USP24: variants seen among roughly 807,000 people sequenced by gnomAD.
The protein encoded by USP24 is ubiquitin specific peptidase 24.
In USP24, 97 loss-of-function variants were observed where a neutral mutation model predicts 361.6. That is an observed-to-expected ratio of 0.27 (90% CI 0.23 to 0.32). The LOEUF (loss-of-function observed/expected upper bound fraction) is 0.32, where lower values mean the gene tolerates loss of function less well. Among genes scored for constraint, USP24 ranks in the 10% least tolerant of loss-of-function variants. The pLI is 1.00. For missense variants in USP24, 2,353 were observed against 3,165.6 expected, an observed-to-expected ratio of 0.74 and a Z score of 6.16; for synonymous variants, 1,098 against 1,124.6, an observed-to-expected ratio of 0.98 and a Z score of 0.47.
At chr1:55,204,473 C>T (rs896357300) in intron 1 of USP24, among the ~76,000 whole-genome samples, 3 of 152,024 alleles carry the variant, frequency 2.0e-5, no homozygotes, top group African/African-American at 7.2e-5. Context: ...TAAAGAAATA[C>T]TGCTTGAAAA....
intron 1 of USP24, among the ~76,000 whole-genome samples, chr1:55,194,849 T>A (rs1480758158): frequency 6.6e-6 from 1 of 152,250 alleles, no homozygotes; most frequent in Middle Eastern, 3.4e-3. Flanking sequence ...TTCTACCTTA[T>A]AAATTTCTTC....
intron 42 of USP24, among the ~76,000 whole-genome samples, chr1:55,102,850 C>G (rs1405666848): frequency 6.6e-6 from 1 of 152,146 alleles, no homozygotes; most frequent in East Asian, 1.9e-4. Context: ...CATAACATAA[C>G]CTATAAACTA....
chr1:55,095,359 A>G lies in USP24; in HGVS notation c.6099T>C (p.Asn2033=). 1.2e-6 allele frequency: 2 copies of G among 1,613,404 alleles called. No individual in the cohort carries two copies. The highest frequency in any genetic ancestry group is 1.7e-6 in the Non-Finnish European group (2 of 1,179,616). ...CCCTTTGGTAGAAAAGCATATAGGC[A>G]TTCCAGTATCTTCGGCGCACATCAG... is the stretch of plus-strand genomic sequence containing the variant. ...PYTDVRRRYW[N]AYMLFYQRVS... Residue 2033 remains asparagine, a synonymous_variant, in exon 51 of 68, where the codon AAT becomes AAC. Coordinates refer to ENST00000294383, the MANE Select transcript of USP24 (RefSeq NM_015306.3).
At chr1:55,129,234 T>C (rs1454588030) in intron 32 of USP24, among the ~76,000 whole-genome samples, 1 of 152,166 alleles carries the variant, frequency 6.6e-6, no homozygotes, top group Non-Finnish European at 1.5e-5. Flanking sequence ...TCTACTCTTC[T>C]TGAAAATTTC....
chr1:55,107,455 T>C, intron 39 of USP24, 25 bp from the exon 40 acceptor site: 3 of 1,535,204 alleles, frequency 2.0e-6, no homozygotes, highest in Admixed American at 2.3e-5. Context: ...AAAAATCCAT[T>C]ACAAAGAAAG....
At chr1:55,166,525 A>C in intron 6 of USP24, 43 bp downstream of exon 6, 1 of 1,540,360 alleles carries the variant, frequency 6.5e-7, no homozygotes, top group East Asian at 2.4e-5. Flanking sequence ...TCATTAGAAA[A>C]TTGAAAATAT....
At chr1:55,139,554 G>A (rs1646830458) in intron 24 of USP24, among the ~76,000 whole-genome samples, 1 of 152,132 alleles carries the variant, frequency 6.6e-6, no homozygotes, top group Non-Finnish European at 1.5e-5. Context: ...TAATCAGACT[G>A]CAATATTCAT....
chr1:55,093,433 A>T (rs1645425251), intron 52 of USP24: 1 of 156,198 alleles, frequency 6.4e-6, no homozygotes, highest in African/African-American at 2.4e-5. Flanking sequence ...TCTTTTCTGA[A>T]CCTGTTTTTC....
chr1:55,109,919 C>T (rs1645901082), intron 39 of USP24, among the ~76,000 whole-genome samples: 1 of 152,098 alleles, frequency 6.6e-6, no homozygotes, highest in East Asian at 1.9e-4. Flanking sequence ...ACAATAGTTT[C>T]GTATCAGTGT....
intron 10 of USP24, among the ~76,000 whole-genome samples, 197 bp downstream of exon 10, chr1:55,158,681 G>A (rs528757946): frequency 2.6e-5 from 4 of 152,274 alleles, no homozygotes; most frequent in African/African-American, 9.6e-5. Flanking sequence ...AAATATTTCA[G>A]ATGTAAATTT....
At chr1:55,175,996 A>T (rs1024816704) in intron 3 of USP24, among the ~76,000 whole-genome samples, 1 of 152,216 alleles carries the variant, frequency 6.6e-6, no homozygotes, top group African/African-American at 2.4e-5. Context: ...TATTTTGATA[A>T]GTGTATACTG....
intron 1 of USP24, among the ~76,000 whole-genome samples, chr1:55,187,907 G>A (rs1115059): frequency 0.027 from 4,060 of 152,100 alleles, 130 homozygotes; most frequent in African/African-American, 0.073. Context: ...TAGTTTCTTT[G>A]CAAAAAACGA....
intron 21 of USP24, among the ~76,000 whole-genome samples, chr1:55,143,793 G>T (rs964520374): frequency 4.6e-5 from 7 of 152,054 alleles, no homozygotes; most frequent in Admixed American, 6.6e-5. Flanking sequence ...TGAATTGCTG[G>T]ATCTGAGGAG....
At chr1:55,091,391 T>G (rs1006486415) in intron 54 of USP24, among the ~76,000 whole-genome samples, 3 of 152,096 alleles carry the variant, frequency 2.0e-5, no homozygotes, top group Non-Finnish European at 4.4e-5. Flanking sequence ...CAACCCTCCC[T>G]TTTGTGGAAA....
In USP24 at chr1:55,141,620, A is replaced by C. The variant is rs2100689382; in HGVS notation, c.2746T>G (p.Tyr916Asp). The C allele has an allele frequency of 6.2e-7, 1 of 1,610,318 alleles. No individual in the cohort carries two copies. Among genetic ancestry groups the C allele is most frequent in the East Asian group, 2.2e-5 (1 of 44,788 alleles). Residue 916 changes from tyrosine (Y) to aspartate (D), a missense_variant, in exon 24 of 68, where the codon TAT (tyrosine) becomes GAT (aspartate). Tyr to Asp is a radical substitution (Grantham distance 160, BLOSUM62 -3). Coordinates refer to ENST00000294383, the MANE Select transcript of USP24 (RefSeq NM_015306.3). ...PTVATSVQSP[Y>D]RSTKLVIIER... ...TTTTCACTTCTGATCACTTACCTAT[A>C]AGGAGACTGAACTGAGGTTGCTACA... is the stretch of plus-strand genomic sequence containing the variant.
chr1:55,094,796 C>T (rs937207650), intron 51 of USP24, among the ~76,000 whole-genome samples: 2 of 151,046 alleles, frequency 1.3e-5, no homozygotes, highest in African/African-American at 4.9e-5. Flanking sequence ...CCCAGGAGTT[C>T]CAGACCAGCC....
intron 1 of USP24, among the ~76,000 whole-genome samples, chr1:55,213,530 A>C (rs1425148199): frequency 6.6e-6 from 1 of 152,230 alleles, no homozygotes; most frequent in African/African-American, 2.4e-5. Context: ...TAGCTTCACT[A>C]AGCTTAATTC....
At chr1:55,137,070 C>G (rs1354175131) in intron 28 of USP24, among the ~76,000 whole-genome samples, 1 of 151,970 alleles carries the variant, frequency 6.6e-6, no homozygotes, top group African/African-American at 2.4e-5. Flanking sequence ...AAAAACCAAC[C>G]AAATAAAAAA....
chr1:55,169,295 A>T (rs1385300472), intron 5 of USP24, among the ~76,000 whole-genome samples: 1 of 152,138 alleles, frequency 6.6e-6, no homozygotes. Context: ...GAGACAAAAA[A>T]ATGGAAAATG....
Sources: gnomAD v4.1 joint callset for allele counts (sites outside exome capture counted in the v4.1 genomes callset) on GRCh38, gnomAD v4.1.1 for gene constraint, MANE v1.5 for transcripts, NCBI Gene and HGNC (gene_info 2026-07-23, HGNC 2026-07-21) for gene names.